The following CELF2 variants were observed in gnomAD, a reference collection of about 807,000 sequenced individuals.
CELF2 encodes CUG triplet repeat RNA-binding protein 2.
Under a neutral mutation model 62.6 loss-of-function variants are expected in CELF2, and 8 were observed. The observed-to-expected ratio is 0.13, with a 90% CI of 0.07 to 0.23. The LOEUF (loss-of-function observed/expected upper bound fraction) is 0.23, where lower values mean the gene tolerates loss of function less well. Ranked by LOEUF, CELF2 falls within the 10% of genes least tolerant of loss-of-function variation. The pLI, the probability that CELF2 is intolerant of heterozygous loss-of-function variation, is 1.00. For synonymous variants in CELF2, 258 were observed against 250.0 expected (o/e 1.03, Z -0.30); for missense variants, 333 against 671.0 (o/e 0.50, Z 5.56).
the CELF2 span, among the ~76,000 whole-genome samples, chr10:10,616,940 A>G: frequency 6.6e-6 from 1 of 151,906 alleles, no homozygotes; most frequent in Non-Finnish European, 1.5e-5. Context: ...TATTTTTTGT[A>G]GAGACATAGT....
chr10:10,549,726 C>T, the CELF2 span, among the ~76,000 whole-genome samples: 1 of 152,164 alleles, frequency 6.6e-6, no homozygotes, highest in South Asian at 2.1e-4. Flanking sequence ...TTAGGGCCCA[C>T]CCTAAAGGCC....
chr10:11,027,475 G>GT (rs111824577), intron 1 of CELF2, among the ~76,000 whole-genome samples: 15,937 of 151,904 alleles, frequency 0.1, 965 homozygotes, highest in African/African-American at 0.16. Context: ...GAGGCAAGTC[G>GT]TTTTTTTTAT....
the CELF2 span, among the ~76,000 whole-genome samples, chr10:10,783,935 C>G: frequency 6.6e-6 from 1 of 152,040 alleles, no homozygotes; most frequent in African/African-American, 2.4e-5. Context: ...TTGCAGTGAG[C>G]CAAGATCGTG....
chr10:10,589,588 AT>A, the CELF2 span, among the ~76,000 whole-genome samples: 4 of 152,102 alleles, frequency 2.6e-5, no homozygotes, highest in African/African-American at 9.7e-5. Flanking sequence ...TGTTAACCCC[AT>A]TTGAGAGAAT....
Position 11,319,122 on chromosome 10 carries a change from G to T in CELF2, c.1097-2067G>T. 1 of 470,012 alleles carries T rather than the reference G, an allele frequency of 2.1e-6. No homozygotes were observed. 29.1% of individuals were successfully genotyped at this position (470,012 alleles called of 1,614,324 possible). On this transcript the variant is annotated intron_variant, in intron 10 of 12. Transcript: ENST00000633077. This position sits in a 1 kb window ranked among gnomAD's most constrained non-coding sequence, Gnocchi z 4.4. ...AGCGGCGAGTCGCCGCTCCTCTCCC[G>T]CCAGAATTTCCTCCACACGGGCATC...
intron 1 of CELF2, among the ~76,000 whole-genome samples, chr10:11,164,840 A>T (rs2066580439): frequency 6.6e-6 from 1 of 152,160 alleles, no homozygotes; most frequent in Admixed American, 6.5e-5. Flanking sequence ...GCAGAGCTGC[A>T]TAGCTGGACC....
At chr10:10,804,510 C>T (rs1736631865) in intron 1 of CELF2, among the ~76,000 whole-genome samples, 1 of 152,232 alleles carries the variant, frequency 6.6e-6, no homozygotes, top group Non-Finnish European at 1.5e-5. Flanking sequence ...TAGGAAAAAA[C>T]TTCAGAGGAG....
chr10:10,733,775 A>T, the CELF2 span, among the ~76,000 whole-genome samples: 1 of 152,132 alleles, frequency 6.6e-6, no homozygotes, highest in Non-Finnish European at 1.5e-5. Context: ...CCACCCCCAC[A>T]ATTCAATCGT....
chr10:10,823,332 G>A (rs1319975714), intron 1 of CELF2, among the ~76,000 whole-genome samples: 1 of 152,186 alleles, frequency 6.6e-6, no homozygotes, highest in Non-Finnish European at 1.5e-5. Flanking sequence ...TGCTGGGTCT[G>A]CATTTGCAGG....
At chr10:11,013,193 C>G (rs997922700), upstream of CELF2, among the ~76,000 whole-genome samples, 1 of 152,194 alleles carries the variant, frequency 6.6e-6, no homozygotes, top group Non-Finnish European at 1.5e-5. The surrounding 1 kb of genome is among the most constrained non-coding windows in gnomAD (Gnocchi z 4.1). Context: ...CTTCCTCAGA[C>G]ACGCAGCTGG....
rs78776721 is a variant in CELF2 at position 11,145,084 on chromosome 10, C to T, written c.75-20402C>T. Among the ~76,000 whole-genome samples the T allele has an allele frequency of 0.044, 6,725 of 152,202 alleles. 167 individuals are homozygous for T. Among genetic ancestry groups the T allele is most frequent in the Middle Eastern group, 0.048 (14 of 294 alleles). On this transcript the variant is annotated intron_variant, in intron 1 of 12. Coordinates refer to ENST00000633077, the MANE Select transcript of CELF2 (RefSeq NM_001326342.2). This position sits in a 1 kb window ranked among gnomAD's most constrained non-coding sequence, Gnocchi z 4.3. ...CATAACTGTGTTCCTCCCTGTAATG[C>T]AGTAGCCAAAGGTAATCTGTTTGTT...
At chr10:10,970,693 T>G (rs2050662922) in intron 2 of CELF2, 1 of 152,346 alleles carries the variant, frequency 6.6e-6, no homozygotes, top group East Asian at 1.9e-4. Context: ...GATCCTGGTC[T>G]TGTAGAAATC....
chr10:10,649,486 C>T, the CELF2 span, among the ~76,000 whole-genome samples: 1 of 152,144 alleles, frequency 6.6e-6, no homozygotes, highest in Non-Finnish European at 1.5e-5. Context: ...ATTCCCAAAA[C>T]TCGTGTTATA....
At chr10:11,102,821 T>C (rs946265573) in intron 1 of CELF2, among the ~76,000 whole-genome samples, 5 of 152,160 alleles carry the variant, frequency 3.3e-5, no homozygotes, top group African/African-American at 1.2e-4. Context: ...TCACTCCTTT[T>C]TCTCTCTCAT....
chr10:10,497,952 A>G, the CELF2 span, among the ~76,000 whole-genome samples: 3 of 152,194 alleles, frequency 2.0e-5, no homozygotes, highest in Non-Finnish European at 4.4e-5. Flanking sequence ...AACAGAACAG[A>G]CCAAAAGGAG....
chr10:10,773,613 G>A, the CELF2 span, among the ~76,000 whole-genome samples: 3 of 152,136 alleles, frequency 2.0e-5, no homozygotes, highest in Non-Finnish European at 2.9e-5. Context: ...TCTTTGATTT[G>A]AGTGGTATTT....
chr10:11,029,077 T>C (rs2059711979), intron 1 of CELF2, among the ~76,000 whole-genome samples: 1 of 152,136 alleles, frequency 6.6e-6, no homozygotes, highest in African/African-American at 2.4e-5. Flanking sequence ...CAGCCTTGGG[T>C]GGCCTCATAA....
At chr10:10,683,823 A>T in the CELF2 span, among the ~76,000 whole-genome samples, 1 of 152,206 alleles carries the variant, frequency 6.6e-6, no homozygotes, top group Admixed American at 6.5e-5. Context: ...GAAGGTGACA[A>T]AAAGCAATTT....
the CELF2 span, among the ~76,000 whole-genome samples, chr10:10,751,418 G>A: frequency 1.3e-5 from 2 of 152,222 alleles, no homozygotes; most frequent in Non-Finnish European, 2.9e-5. Context: ...TGACAAAGAA[G>A]CAAGTTCGTA....
Sources: gnomAD v4.1 joint callset for allele counts (sites outside exome capture counted in the v4.1 genomes callset) on GRCh38, gnomAD v4.1.1 for gene constraint, Gnocchi (gnomAD v3.1) non-coding constraint, MANE v1.5 for transcripts, NCBI Gene and HGNC (gene_info 2026-07-23, HGNC 2026-07-21) for gene names.